The following FNTB variants were observed in gnomAD, a reference collection of about 807,000 sequenced individuals.
The protein encoded by FNTB is farnesyltransferase, CAAX box, subunit beta.
In FNTB, 27 loss-of-function variants were observed where a neutral mutation model predicts 59.4. That is an observed-to-expected ratio of 0.45 (90% CI 0.34 to 0.63). The LOEUF (loss-of-function observed/expected upper bound fraction) is 0.63, where lower values mean the gene tolerates loss of function less well. FNTB is among the 20% of genes least tolerant of loss of function. FNTB has a pLI of 0.02. For missense variants in FNTB, 449 were observed against 559.6 expected (o/e 0.80, Z 1.99); for synonymous variants, 230 against 220.7 (o/e 1.04, Z -0.37).
At position 65,011,051 on chromosome 14, in the gene FNTB, T is replaced by C. The variant is rs2061675834; in HGVS notation, c.210-1266T>C. 6.6e-6 allele frequency among the ~76,000 whole-genome samples: 1 copy of C among 152,222 alleles called. No homozygotes were observed. ...CTTTTGAGCCTCAGTAGTATGTTTT[T>C]CCCTTGCAAAACCTACCCATTCTTT... On this transcript the variant is annotated intron_variant, in intron 2 of 11. Transcript: ENST00000246166. This position sits in a 1 kb window ranked among gnomAD's most constrained non-coding sequence, Gnocchi z 4.0.
chr14:64,995,449 T>G (rs1888357306), intron 1 of FNTB, among the ~76,000 whole-genome samples: 1 of 152,120 alleles, frequency 6.6e-6, no homozygotes, highest in African/African-American at 2.4e-5. Flanking sequence ...TGCAGTAGGT[T>G]TATTTACACC....
intron 7 of FNTB, among the ~76,000 whole-genome samples, chr14:65,036,238 TA>T (rs1421446128): frequency 1.3e-5 from 2 of 152,086 alleles, no homozygotes; most frequent in African/African-American, 4.8e-5. Flanking sequence ...TAATTTAATT[TA>T]ATTTATTTAT....
Position 65,044,581 on chromosome 14 carries a change from C to A in FNTB, c.955+138C>A. On this transcript the variant is annotated intron_variant, in intron 9 of 11. Coordinates refer to ENST00000246166, the MANE Select transcript of FNTB (RefSeq NM_002028.4). This position sits in a 1 kb window ranked among gnomAD's most constrained non-coding sequence, Gnocchi z 5.5. ...GGATTTTGAGTGCCCAGTGTGGAAC[C>A]TCATGCCGTGGGGCATGCGAATGCA... is the stretch of plus-strand genomic sequence containing the variant. 7.7e-7 allele frequency: 1 copy of A among 1,294,038 alleles called. No individual in the cohort carries two copies. Among genetic ancestry groups the A allele is most frequent in the Non-Finnish European group, 1.0e-6 (1 of 972,230 alleles). The allele number at this position is 1,294,038 out of a possible 1,614,324, so 80.2% of individuals were successfully genotyped here.
intron 1 of FNTB, among the ~76,000 whole-genome samples, chr14:64,987,898 A>G (rs781722225): frequency 1.3e-5 from 2 of 152,166 alleles, no homozygotes; most frequent in Non-Finnish European, 2.9e-5. Flanking sequence ...CAAGGTTGCT[A>G]TGTGGAACTG....
Position 65,004,261 on chromosome 14 carries a change from G to A in FNTB, c.157G>A (p.Glu53Lys), listed in dbSNP as rs1179070552. The A allele has an allele frequency of 6.2e-7, 1 of 1,613,644 alleles. No homozygotes were observed. Among genetic ancestry groups the A allele is most frequent in the Non-Finnish European group, 8.5e-7 (1 of 1,179,718 alleles). Residue 53 changes from glutamate (E) to lysine (K), a missense_variant, in exon 2 of 12, where the codon GAA becomes AAA. Glu to Lys is a moderately conservative substitution (Grantham distance 56). Coordinates refer to ENST00000246166, the MANE Select transcript of FNTB (RefSeq NM_002028.4). Reference sequence around the variant, plus strand: ...GCATCCTTACCAGGCAAAAGTAGAAGAAAAGATCCAAGAGGTCTTCAGTTC... The same window carrying A: ...GCATCCTTACCAGGCAAAAGTAGAAAAAAAGATCCAAGAGGTCTTCAGTTC... ...VTSIEQAKVEEKIQEVFSSYK... is the reference protein window; with the variant it reads ...VTSIEQAKVEKKIQEVFSSYK...
intron 4 of FNTB, 22 bp downstream of exon 4, chr14:65,015,738 C>G: frequency 6.2e-7 from 1 of 1,607,548 alleles, no homozygotes; most frequent in East Asian, 2.2e-5. Flanking sequence ...TTTGGGAAAT[C>G]TGGGGTGTTC....
rs1320714066 is a variant in FNTB at position 64,997,253 on chromosome 14, T to C, written c.145-6996T>C. 6.6e-6 allele frequency among the ~76,000 whole-genome samples: 1 copy of C among 152,174 alleles called. No homozygotes were observed. The highest frequency in any genetic ancestry group is 2.4e-5 in the African/African-American group (1 of 41,446). On this transcript the variant is annotated intron_variant, in intron 1 of 11. Transcript: ENST00000246166. This position sits in a 1 kb window ranked among gnomAD's most constrained non-coding sequence, Gnocchi z 4.5. ...AACATCCCAATTGCAGAACCTAAGA[T>C]TGGCTGTTTGAGATGTCTTTTCAGA...
rs905371659 is a variant in FNTB, at chr14:65,047,970, C to A, written c.955+3527C>A. Reference sequence around the variant, plus strand: ...CAGACAGAAGACAGAAGGAGGGAGACTTTTTAGATTTTTTTTTTTTTTTTT... The same window carrying A: ...CAGACAGAAGACAGAAGGAGGGAGAATTTTTAGATTTTTTTTTTTTTTTTT... On this transcript the variant is annotated intron_variant, in intron 9 of 11. Transcript: ENST00000246166. The surrounding 1 kb of genome is among the most constrained non-coding windows in gnomAD (Gnocchi z 5.2). 2.2e-5 allele frequency among the ~76,000 whole-genome samples: 3 copies of A among 138,442 alleles called. No homozygotes were observed. The highest frequency in any genetic ancestry group is 4.6e-5 in the Non-Finnish European group (3 of 64,852). 90.8% of individuals were successfully genotyped at this position (138,442 alleles called of 152,430 possible). A position where few individuals can be genotyped will look rare whatever the true frequency, so the allele number is the denominator to read the frequency against.
rs1323570975 is a variant in FNTB at position 65,009,596 on chromosome 14, T to C, written c.210-2721T>C. Among the ~76,000 whole-genome samples the C allele has an allele frequency of 1.3e-5, 2 of 152,186 alleles. No homozygotes were observed. The highest frequency in any genetic ancestry group is 2.9e-5 in the Non-Finnish European group (2 of 68,028). ...CTTATTCCAGGCTCACCTCTCCTAC[T>C]ATACCCTCATCCCAGCCCTCCTCCA... On this transcript the variant is annotated intron_variant, in intron 2 of 11. Coordinates refer to ENST00000246166, the MANE Select transcript of FNTB (RefSeq NM_002028.4). This position sits in a 1 kb window ranked among gnomAD's most constrained non-coding sequence, Gnocchi z 4.2.
rs903134461 is a variant in FNTB, at chr14:65,031,858, T to C, written c.606-752T>C. ...ATTGCTTGAACCCAGGAGGCGGAGG[T>C]TGCAGTGAGCTGAGATCATACCACT... On this transcript the variant is annotated intron_variant, in intron 6 of 11. Transcript: ENST00000246166. The surrounding 1 kb of genome is among the most constrained non-coding windows in gnomAD (Gnocchi z 4.6). Among the ~76,000 whole-genome samples the C allele has an allele frequency of 7.2e-5, 11 of 151,916 alleles. No individual in the cohort carries two copies. The highest frequency in any genetic ancestry group is 3.3e-4 in the Admixed American group (5 of 15,244).
In FNTB at chr14:65,030,266, A is replaced by G. The variant is rs923127401; in HGVS notation, c.606-2344A>G. Among the ~76,000 whole-genome samples the G allele has an allele frequency of 1.1e-4, 17 of 152,328 alleles. No homozygotes were observed. Among genetic ancestry groups the G allele is most frequent in the Admixed American group, 9.8e-4 (15 of 15,300 alleles). ...AAATTAGCTGCTGGTAGATGATCACATTTGGCATTGGCACTTGTGACTCTT... is the reference window on the plus strand; with the variant it reads ...AAATTAGCTGCTGGTAGATGATCACGTTTGGCATTGGCACTTGTGACTCTT... On this transcript the variant is annotated intron_variant, in intron 6 of 11. Transcript: ENST00000246166. This position sits in a 1 kb window ranked among gnomAD's most constrained non-coding sequence, Gnocchi z 4.5.
chr14:65,054,262 G>C lies in FNTB; in HGVS notation c.1068-313G>C, dbSNP rs556389344. Among the ~76,000 whole-genome samples the C allele has an allele frequency of 7.2e-5, 11 of 152,126 alleles. No individual in the cohort carries two copies. Among genetic ancestry groups the C allele is most frequent in the Middle Eastern group, 3.4e-3 (1 of 294 alleles). ...CAAGTAACTGGAATTACAGGCATCG[G>C]CCACCACACCTAGCTAATTTTTAAT... On this transcript the variant is annotated intron_variant, in intron 10 of 11. Coordinates refer to ENST00000246166, the MANE Select transcript of FNTB (RefSeq NM_002028.4). The surrounding 1 kb of genome is among the most constrained non-coding windows in gnomAD (Gnocchi z 4.4).
intron 2 of FNTB, among the ~76,000 whole-genome samples, chr14:65,005,907 G>T (rs2061579463): frequency 6.6e-6 from 1 of 152,176 alleles, no homozygotes; most frequent in Non-Finnish European, 1.5e-5. Flanking sequence ...TGAGATTACA[G>T]CTGTGAGCCA....
chr14:65,042,605 G>T, intron 8 of FNTB, among the ~76,000 whole-genome samples: 1 of 152,216 alleles, frequency 6.6e-6, no homozygotes, highest in East Asian at 1.9e-4. Flanking sequence ...GCCTGGCATG[G>T]TCTGGGGGTT....
chr14:65,032,450 C>A lies in FNTB; in HGVS notation c.606-160C>A. The A allele has an allele frequency of 1.7e-6, 1 of 593,560 alleles. No homozygotes were observed. The highest frequency in any genetic ancestry group is 2.8e-6 in the Non-Finnish European group (1 of 360,224). The allele number at this position is 593,560 out of a possible 1,614,324, so 36.8% of individuals were successfully genotyped here. ...ACTCTATCCAAATAGAATGTCACAC[C>A]TCTCAGTTGGAGACCCAGGAGGACT... On this transcript the variant is annotated intron_variant, in intron 6 of 11. Transcript: ENST00000246166. The surrounding 1 kb of genome is among the most constrained non-coding windows in gnomAD (Gnocchi z 5.0).
intron 7 of FNTB, among the ~76,000 whole-genome samples, chr14:65,039,768 C>A (rs113846134): frequency 2.6e-5 from 4 of 152,262 alleles, no homozygotes; most frequent in African/African-American, 9.6e-5. Flanking sequence ...GAAGCCATCA[C>A]CACCTGGCCT....
At position 64,997,116 on chromosome 14, in the gene FNTB, C is replaced by G. The variant is rs989906605; in HGVS notation, c.145-7133C>G. Among the ~76,000 whole-genome samples the G allele has an allele frequency of 2.0e-5, 3 of 152,008 alleles. No homozygotes were observed. Among genetic ancestry groups the G allele is most frequent in the Admixed American group, 2.0e-4 (3 of 15,272 alleles). ...TCGTAATTTTGGAAAGACAATCTCC[C>G]TTTAGAATTGTGAGAGGGTCCTGAA... is the stretch of plus-strand genomic sequence containing the variant. On this transcript the variant is annotated intron_variant, in intron 1 of 11. Transcript: ENST00000246166. This position sits in a 1 kb window ranked among gnomAD's most constrained non-coding sequence, Gnocchi z 4.5.
chr14:64,987,458 A>G (rs760422681), intron 1 of FNTB: 7 of 272,300 alleles, frequency 2.6e-5, no homozygotes, highest in Non-Finnish European at 4.4e-5. Flanking sequence ...TGGGGTGCAT[A>G]GTGCACTTTT....
rs1315340856 is a variant in FNTB at position 64,997,133 on chromosome 14, G to A, written c.145-7116G>A. On this transcript the variant is annotated intron_variant, in intron 1 of 11. Coordinates refer to ENST00000246166, the MANE Select transcript of FNTB (RefSeq NM_002028.4). The surrounding 1 kb of genome is among the most constrained non-coding windows in gnomAD (Gnocchi z 4.5). ...CAATCTCCCTTTAGAATTGTGAGAG[G>A]GTCCTGAATTCTGCTAAGATGTAGG... 6.6e-6 allele frequency among the ~76,000 whole-genome samples: 1 copy of A among 152,098 alleles called. No homozygotes were observed. The highest frequency in any genetic ancestry group is 1.9e-4 in the East Asian group (1 of 5,202).
Sources: allele counts gnomAD v4.1 joint callset (sites outside exome capture counted in the v4.1 genomes callset), GRCh38; gene constraint gnomAD v4.1.1; non-coding constraint Gnocchi (gnomAD v3.1); transcripts MANE v1.5; gene names NCBI Gene and HGNC (gene_info 2026-07-23, HGNC 2026-07-21).